Variants in NBEA observed in about 807,000 individuals in gnomAD.
NBEA encodes the protein lysosomal-trafficking regulator 2.
A neutral mutation model predicts 343.4 loss-of-function variants in NBEA; 44 were observed. That is an observed-to-expected ratio of 0.13 (90% CI 0.10 to 0.16). The LOEUF (loss-of-function observed/expected upper bound fraction) is 0.16. Ranked by LOEUF, NBEA falls within the 10% of genes least tolerant of loss-of-function variation. The pLI, the probability that NBEA is intolerant of heterozygous loss-of-function variation, is 1.00. For missense variants in NBEA, 2,555 were observed against 3,631.3 expected, an observed-to-expected ratio of 0.70 and a Z score of 7.62; for synonymous variants, 1,175 against 1,238.7, an observed-to-expected ratio of 0.95 and a Z score of 1.08.
At chr13:35,341,507 A>G (rs1011628844) in intron 36 of NBEA, among the ~76,000 whole-genome samples, 2 of 152,074 alleles carry the variant, frequency 1.3e-5, no homozygotes, top group Admixed American at 6.6e-5. Context: ...ATAAAAGTCT[A>G]ATCTCCAGAA....
intron 1 of NBEA, among the ~76,000 whole-genome samples, chr13:34,992,601 G>T (rs942167691): frequency 2.6e-5 from 4 of 151,894 alleles, no homozygotes; most frequent in Non-Finnish European, 5.9e-5. Flanking sequence ...TGGTAACGAG[G>T]TATTTGAGGG....
intron 1 of NBEA, among the ~76,000 whole-genome samples, chr13:35,019,051 G>GTTT (rs879547494): frequency 6.9e-6 from 1 of 144,142 alleles, no homozygotes. Flanking sequence ...TGTCATTTGA[G>GTTT]TTTTTTTTTT....
intron 36 of NBEA, among the ~76,000 whole-genome samples, chr13:35,342,423 T>C (rs1028160362): frequency 1.9e-4 from 29 of 152,048 alleles, no homozygotes; most frequent in African/African-American, 6.5e-4. Flanking sequence ...ATAACCATAA[T>C]TTTAGATGGT....
intron 46 of NBEA, among the ~76,000 whole-genome samples, chr13:35,589,062 T>G (rs1048950546): frequency 6.6e-6 from 1 of 152,098 alleles, no homozygotes; most frequent in Non-Finnish European, 1.5e-5. Flanking sequence ...GAATAAAATA[T>G]TGTTGTTTAT....
intron 41 of NBEA, among the ~76,000 whole-genome samples, chr13:35,478,393 G>T (rs1386423038): frequency 6.6e-6 from 1 of 152,176 alleles, no homozygotes; most frequent in Admixed American, 6.5e-5. Flanking sequence ...CCTTTTGGCA[G>T]TTGGAGGGGA....
At chr13:35,444,147 G>A (rs9315344) in intron 39 of NBEA, among the ~76,000 whole-genome samples, 30,499 of 151,764 alleles carry the variant, frequency 0.2, 3,232 homozygotes, top group South Asian at 0.34. Context: ...ATAAGAAAAA[G>A]CATTCTTTCA....
intron 55 of NBEA, among the ~76,000 whole-genome samples, chr13:35,659,243 G>C (rs1239009209): frequency 6.6e-6 from 1 of 152,134 alleles, no homozygotes; most frequent in African/African-American, 2.4e-5. Flanking sequence ...ATAATGAAGG[G>C]ATTGGCCTTG....
In NBEA at chr13:35,113,169, C is replaced by G. The variant is rs117840956; in HGVS notation, c.2002+2191C>G. 4.5e-3 allele frequency among the ~76,000 whole-genome samples: 690 copies of G among 151,972 alleles called. 2 individuals are homozygous for G. The highest frequency in any genetic ancestry group is 7.7e-3 in the Non-Finnish European group (521 of 67,940). ...CAGACCAGTTATTTTTTTGAATAAC[C>G]TTAAATTTGAATTTTCTGTTTGTTC... On this transcript the variant is annotated intron_variant, in intron 13 of 58. Coordinates refer to ENST00000379939, the MANE Select transcript of NBEA (RefSeq NM_001385012.1).
chr13:35,096,819 C>G (rs1379444834), intron 10 of NBEA, among the ~76,000 whole-genome samples: 1 of 151,842 alleles, frequency 6.6e-6, no homozygotes, highest in Non-Finnish European at 1.5e-5. Context: ...TTAAAATGGA[C>G]TAGATTGCTT....
At chr13:34,987,758 G>A (rs1172520139) in intron 1 of NBEA, among the ~76,000 whole-genome samples, 1 of 150,792 alleles carries the variant, frequency 6.6e-6, no homozygotes, top group Non-Finnish European at 1.5e-5. Flanking sequence ...TTCAATCACT[G>A]ATATTCTTTT....
intron 38 of NBEA, among the ~76,000 whole-genome samples, chr13:35,431,142 A>G (rs1187459094): frequency 6.6e-6 from 1 of 152,124 alleles, no homozygotes; most frequent in African/African-American, 2.4e-5. Context: ...CATTAATACA[A>G]TGAATATTTA....
chr13:35,661,647 A>G (rs1305565511), intron 55 of NBEA, among the ~76,000 whole-genome samples: 2 of 151,968 alleles, frequency 1.3e-5, no homozygotes, highest in Non-Finnish European at 2.9e-5. Flanking sequence ...TTGATAAGGG[A>G]CTCCTGACCG....
intron 7 of NBEA, among the ~76,000 whole-genome samples, chr13:35,056,627 A>G (rs1262997240): frequency 1.3e-5 from 2 of 152,162 alleles, no homozygotes; most frequent in East Asian, 3.8e-4. Context: ...TCTTCTATTC[A>G]GTGGGAACAG....
intron 34 of NBEA, among the ~76,000 whole-genome samples, chr13:35,240,655 T>G (rs1048207117): frequency 3.3e-4 from 50 of 151,688 alleles, no homozygotes; most frequent in African/African-American, 1.2e-3. Context: ...TAAAAGAGAT[T>G]TTTTTTTAAT....
chr13:35,054,151 C>G (rs1225653787), intron 6 of NBEA, among the ~76,000 whole-genome samples: 1 of 151,926 alleles, frequency 6.6e-6, no homozygotes, highest in Non-Finnish European at 1.5e-5. Flanking sequence ...GGCATTTATT[C>G]GTGTCTCTTC....
chr13:35,094,350 A>G (rs536812793), intron 10 of NBEA, among the ~76,000 whole-genome samples: 1 of 152,054 alleles, frequency 6.6e-6, no homozygotes, highest in Non-Finnish European at 1.5e-5. Context: ...GTGCTATCTT[A>G]TGTATCCATC....
chr13:34,995,292 A>G (rs959648709), intron 1 of NBEA, among the ~76,000 whole-genome samples: 2 of 152,144 alleles, frequency 1.3e-5, no homozygotes, highest in Admixed American at 1.3e-4. Flanking sequence ...ATCTGTATGA[A>G]TAATACAAAA....
At chr13:35,163,698 G>C (rs973074353) in intron 23 of NBEA, among the ~76,000 whole-genome samples, 5 of 150,570 alleles carry the variant, frequency 3.3e-5, no homozygotes, top group Non-Finnish European at 5.9e-5. Flanking sequence ...TGTATGTTTT[G>C]TATGAGAACA....
chr13:35,661,559 G>T (rs1042177524), intron 55 of NBEA, among the ~76,000 whole-genome samples: 20 of 152,130 alleles, frequency 1.3e-4, no homozygotes, highest in Non-Finnish European at 2.9e-4. Context: ...TTGGGACCTT[G>T]GGAAATGCGG....
Sources: gnomAD v4.1 joint callset for allele counts (sites outside exome capture counted in the v4.1 genomes callset) on GRCh38, gnomAD v4.1.1 for gene constraint, MANE v1.5 for transcripts, NCBI Gene and HGNC (gene_info 2026-07-23, HGNC 2026-07-21) for gene names.